Variants in MYO16 observed in about 807,000 individuals in gnomAD.
The protein encoded by MYO16 is unconventional myosin-XVI.
MYO16 carries 94 observed loss-of-function variants against 205.3 expected under a neutral mutation model. The observed-to-expected ratio is 0.46, with a 90% CI of 0.39 to 0.54. The LOEUF (loss-of-function observed/expected upper bound fraction) is 0.54, where lower values mean the gene tolerates loss of function less well. MYO16 is among the 20% of genes least tolerant of loss of function. The probability of loss-of-function intolerance (pLI) is 0.00; values close to 1 mark genes in which losing one functional copy is unlikely to be tolerated. For missense variants in MYO16, 2,315 were observed against 2,387.5 expected (o/e 0.97, Z 0.63); for synonymous variants, 988 against 954.0 (o/e 1.04, Z -0.66).
chr13:109,045,121 G>A (rs1186919117), intron 23 of MYO16, among the ~76,000 whole-genome samples: 1 of 152,202 alleles, frequency 6.6e-6, no homozygotes, highest in African/African-American at 2.4e-5. Context: ...CTTTGAAGAT[G>A]TGTTGACTTC....
chr13:109,187,982 C>A (rs1210580124), intron 34 of MYO16, among the ~76,000 whole-genome samples: 1 of 152,156 alleles, frequency 6.6e-6, no homozygotes, highest in Non-Finnish European at 1.5e-5. Flanking sequence ...TTGTCCACAC[C>A]TTTCGGTTTC....
chr13:108,901,374 C>A (rs1880698946), intron 15 of MYO16, among the ~76,000 whole-genome samples: 1 of 152,074 alleles, frequency 6.6e-6, no homozygotes, highest in South Asian at 2.1e-4. Context: ...CCCCCAGACA[C>A]CCAGCTTTAA....
chr13:108,825,783 C>A lies in MYO16; in HGVS notation c.1097+2505C>A, dbSNP rs117699507. On this transcript the variant is annotated intron_variant, in intron 9 of 34. Coordinates refer to ENST00000457511, the MANE Select transcript of MYO16 (RefSeq NM_001198950.3). Reference sequence around the variant, plus strand: ...CACAGAAACAATCTGTATTTCTATACACAGCAATTCATAATTCAAAAATGA... The same window carrying A: ...CACAGAAACAATCTGTATTTCTATAAACAGCAATTCATAATTCAAAAATGA... 3.8e-3 allele frequency among the ~76,000 whole-genome samples: 571 copies of A among 151,840 alleles called. 3 individuals carry two copies. Among genetic ancestry groups the A allele is most frequent in the South Asian group, 0.023 (112 of 4,824 alleles).
intron 14 of MYO16, among the ~76,000 whole-genome samples, chr13:108,892,151 A>G (rs1197923110): frequency 6.6e-6 from 1 of 152,170 alleles, no homozygotes; most frequent in African/African-American, 2.4e-5. Context: ...TTTTTTGAAT[A>G]TCTGTGGTAT....
chr13:108,851,833 C>CA (rs1877886604), intron 10 of MYO16, among the ~76,000 whole-genome samples: 3 of 152,142 alleles, frequency 2.0e-5, no homozygotes, highest in Admixed American at 2.0e-4. Flanking sequence ...TTGTGGTCCC[C>CA]ATGCTCAGTC....
intron 27 of MYO16, among the ~76,000 whole-genome samples, chr13:109,080,410 T>G (rs991345682): frequency 1.3e-5 from 2 of 152,170 alleles, no homozygotes; most frequent in Admixed American, 6.5e-5. Flanking sequence ...TGTGCATGGA[T>G]TTTAATTAAG....
chr13:109,045,965 C>G (rs1420903836), intron 23 of MYO16, among the ~76,000 whole-genome samples: 2 of 142,274 alleles, frequency 1.4e-5, no homozygotes, highest in African/African-American at 4.9e-5. Flanking sequence ...CCGAGGCACA[C>G]TCTCCCTCAG....
At chr13:108,778,623 A>AT (rs535808149) in intron 4 of MYO16, among the ~76,000 whole-genome samples, 96 of 151,642 alleles carry the variant, frequency 6.3e-4, no homozygotes, top group African/African-American at 1.8e-3. Flanking sequence ...CATCTAAAAA[A>AT]ATATATATTT....
intron 16 of MYO16, among the ~76,000 whole-genome samples, chr13:108,939,385 C>T (rs1439503571): frequency 1.3e-5 from 2 of 152,204 alleles, no homozygotes; most frequent in Non-Finnish European, 2.9e-5. Flanking sequence ...CTCTCTCATG[C>T]ACTGGGGCTT....
At chr13:108,499,637 C>T in the MYO16 span, among the ~76,000 whole-genome samples, 1 of 152,088 alleles carries the variant, frequency 6.6e-6, no homozygotes, top group South Asian at 2.1e-4. Flanking sequence ...ATAAACCAGG[C>T]CATTAATTCC....
chr13:108,542,976 T>G, the MYO16 span, among the ~76,000 whole-genome samples: 1 of 152,016 alleles, frequency 6.6e-6, no homozygotes, highest in African/African-American at 2.4e-5. Flanking sequence ...TATGTCAACA[T>G]CAACCTGAAG....
intron 7 of MYO16, among the ~76,000 whole-genome samples, chr13:108,812,752 T>A (rs1887333486): frequency 6.6e-6 from 1 of 151,984 alleles, no homozygotes; most frequent in Non-Finnish European, 1.5e-5. Flanking sequence ...GGTGTTTAGG[T>A]CATGAGGGTT....
chr13:109,083,459 T>A (rs1455379730), intron 27 of MYO16, among the ~76,000 whole-genome samples: 1 of 147,300 alleles, frequency 6.8e-6, no homozygotes, highest in Non-Finnish European at 1.5e-5. Flanking sequence ...AGGGTTATTA[T>A]GAATTGTCCA....
chr13:108,821,047 T>C lies in MYO16; in HGVS notation c.943+635T>C, dbSNP rs542161197. Among the ~76,000 whole-genome samples the C allele has an allele frequency of 4.6e-5, 7 of 151,842 alleles. No individual in the cohort carries two copies. The South Asian group carries it at 1.5e-3, about 32-fold the overall frequency. On this transcript the variant is annotated intron_variant, in intron 8 of 34. Coordinates refer to ENST00000457511, the MANE Select transcript of MYO16 (RefSeq NM_001198950.3). ...AACAGAAAGTTACTATTCATAATTA[T>C]TTTTGCAATAGTAAAAAGAGTTCTG... is the stretch of plus-strand genomic sequence containing the variant.
intron 21 of MYO16, among the ~76,000 whole-genome samples, chr13:109,007,387 CAA>C (rs1027201910): frequency 8.2e-6 from 1 of 122,212 alleles, no homozygotes; most frequent in Non-Finnish European, 1.7e-5. Context: ...GACTCCGTCT[CAA>C]AAAAAAAGAA....
At chr13:108,872,049 A>G (rs553272653) in intron 12 of MYO16, among the ~76,000 whole-genome samples, 2 of 152,350 alleles carry the variant, frequency 1.3e-5, no homozygotes, top group East Asian at 3.9e-4. Flanking sequence ...AGATACCTAG[A>G]TTAGTTTGGC....
At chr13:108,678,263 A>G (rs1226379908) in intron 2 of MYO16, among the ~76,000 whole-genome samples, 1 of 152,226 alleles carries the variant, frequency 6.6e-6, no homozygotes, top group Admixed American at 6.5e-5. Flanking sequence ...AGCATTTGCA[A>G]ACAGTGTTAA....
At chr13:109,179,954 A>C (rs1413761963) in intron 34 of MYO16, among the ~76,000 whole-genome samples, 2 of 152,224 alleles carry the variant, frequency 1.3e-5, no homozygotes, top group Non-Finnish European at 2.9e-5. Flanking sequence ...TGCTGAATGA[A>C]GTTGCTATGC....
chr13:108,898,004 C>T lies in MYO16; in HGVS notation c.1660-12C>T, dbSNP rs1880512838. The T allele has an allele frequency of 1.9e-6, 3 of 1,582,380 alleles. No individual in the cohort carries two copies. The highest frequency in any genetic ancestry group is 4.5e-5 in the East Asian group (2 of 44,728). ...TATGAGCAGTTCAGTAAAATGTTCT[C>T]CTCTCCCACAGGTCGTGTGCATCTT... is the stretch of plus-strand genomic sequence containing the variant. On this transcript the variant is annotated splice_polypyrimidine_tract_variant and intron_variant, in intron 14 of 34. Transcript: ENST00000457511.
Sources: allele counts gnomAD v4.1 joint callset (sites outside exome capture counted in the v4.1 genomes callset), GRCh38; gene constraint gnomAD v4.1.1; transcripts MANE v1.5; gene names NCBI Gene and HGNC (gene_info 2026-07-23, HGNC 2026-07-21).